Variants in ATP13A2 observed in about 807,000 individuals in gnomAD.
The protein encoded by ATP13A2 is ATPase cation transporting 13A2.
A neutral mutation model predicts 138.3 loss-of-function variants in ATP13A2; 83 were observed. The observed-to-expected ratio is 0.60, with a 90% CI of 0.50 to 0.72. The LOEUF (loss-of-function observed/expected upper bound fraction) is 0.72. Ranked by LOEUF, ATP13A2 falls within the 30% of genes least tolerant of loss-of-function variation. The pLI, the probability that ATP13A2 is intolerant of heterozygous loss-of-function variation, is 0.00. For missense variants in ATP13A2, 1,402 were observed against 1,606.4 expected (o/e 0.87, Z 2.17); for synonymous variants, 663 against 699.0 (o/e 0.95, Z 0.81).
In ATP13A2 at chr1:17,005,520, T is replaced by C. The variant is rs764367853; in HGVS notation, c.142A>G (p.Ile48Val). 6.2e-7 allele frequency: 1 copy of C among 1,614,252 alleles called. No homozygotes were observed. The highest frequency in any genetic ancestry group is 1.6e-4 in the Middle Eastern group (1 of 6,062). Residue 48 changes from isoleucine to valine, a missense_variant, in exon 3 of 29, where the codon ATC (isoleucine) becomes GTC (valine). Physicochemically the swap from Ile to Val is conservative, Grantham distance 29 (BLOSUM62 3). Transcript: ENST00000326735. The stretch of plus-strand genomic sequence containing the variant: ...ATCCAGACCACGACGTGATAGCCGA[T>C]GACCCTCCATGGACTGCCACAGTAG... Reference protein sequence around the residue: ...SGYCGSPWRVIGYHVVVWMMA... With the variant: ...SGYCGSPWRVVGYHVVVWMMA...
Position 17,011,845 on chromosome 1 carries a change from G to C in ATP13A2, c.-107C>G. 2.9e-6 allele frequency: 3 copies of C among 1,022,362 alleles called. No homozygotes were observed. Among genetic ancestry groups the C allele is most frequent in the Middle Eastern group, 4.4e-4 (1 of 2,278 alleles). 63.3% of individuals were successfully genotyped at this position (1,022,362 alleles called of 1,614,324 possible). A position where few individuals can be genotyped will look rare whatever the true frequency, so the allele number is the denominator to read the frequency against. On this transcript the variant is annotated 5_prime_UTR_variant, in exon 1 of 29. Transcript: ENST00000326735. The surrounding 1 kb of genome is among the most constrained non-coding windows in gnomAD (Gnocchi z 7.3). ...GCGCGGTCCGGACGGCCCGGGGCGA[G>C]GGGCGCTGGGCTAGCGCGGGGCTGG... is the stretch of plus-strand genomic sequence containing the variant.
At chr1:16,991,667 C>T in intron 20 of ATP13A2, 67 bp downstream of exon 20, 2 of 1,612,112 alleles carry the variant, frequency 1.2e-6, no homozygotes, top group Non-Finnish European at 1.7e-6. Context: ...ATCCCTGGTG[C>T]CCCTCTTCTC....
chr1:17,008,535 G>C (rs920621503), intron 1 of ATP13A2, among the ~76,000 whole-genome samples: 1 of 152,122 alleles, frequency 6.6e-6, no homozygotes, highest in Non-Finnish European at 1.5e-5. Flanking sequence ...CCCAGGTCAG[G>C]GGGGCGTGGC....
chr1:16,993,570 T>TG (rs1269017773), intron 16 of ATP13A2, 59 bp downstream of exon 16: 22 of 1,467,444 alleles, frequency 1.5e-5, no homozygotes, highest in Non-Finnish European at 4.6e-6. Flanking sequence ...GAAGACAGGG[T>TG]GGGATTCGTT....
Position 16,998,172 on chromosome 1 carries a change from G to A in ATP13A2, c.1040-997C>T, listed in dbSNP as rs184167174. 5.2e-3 allele frequency among the ~76,000 whole-genome samples: 797 copies of A among 152,288 alleles called. 9 individuals are homozygous for A. Among genetic ancestry groups the A allele is most frequent in the African/African-American group, 0.018 (747 of 41,554 alleles). ...GTTTGTGGAGGGCAGGGCTCAGGGCGTGTGCCCACAAATCATACTGATCAC... is the reference window on the plus strand; with the variant it reads ...GTTTGTGGAGGGCAGGGCTCAGGGCATGTGCCCACAAATCATACTGATCAC... On this transcript the variant is annotated intron_variant, in intron 11 of 28. Coordinates refer to ENST00000326735, the MANE Select transcript of ATP13A2 (RefSeq NM_022089.4).
rs1354089544 is a variant in ATP13A2, at chr1:16,995,807, G to A, written c.1542+169C>T. On this transcript the variant is annotated intron_variant, in intron 15 of 28. Coordinates refer to ENST00000326735, the MANE Select transcript of ATP13A2 (RefSeq NM_022089.4). The surrounding 1 kb of genome is among the most constrained non-coding windows in gnomAD (Gnocchi z 4.1). ...AGACATTTCATCTGCCAGACCGTGA[G>A]CCCAGTGAGGGCAGGAGTGGGATGG... is the stretch of plus-strand genomic sequence containing the variant. 1 of 824,942 alleles carries A rather than the reference G, an allele frequency of 1.2e-6. No individual in the cohort carries two copies. The allele number at this position is 824,942 out of a possible 1,614,324, so 51.1% of individuals were successfully genotyped here.
In ATP13A2 at chr1:17,000,237, GCTC is replaced by G. The variant is rs2077300067; in HGVS notation, c.907+6_907+8del. ...TCCTGCCCCCGCCCCCTGGGCCCTA[GCTC>G]CTCACCTCCCCCTGGCCGGCACACG... On this transcript the variant is annotated splice_donor_region_variant and intron_variant, in intron 10 of 28. Coordinates refer to ENST00000326735, the MANE Select transcript of ATP13A2 (RefSeq NM_022089.4). The G allele has an allele frequency of 1.5e-6, 2 of 1,337,120 alleles. No individual in the cohort carries two copies. The highest frequency in any genetic ancestry group is 3.6e-5 in the African/African-American group (2 of 54,886). The allele number at this position is 1,337,120 out of a possible 1,614,324, so 82.8% of individuals were successfully genotyped here.
At chr1:16,996,364 G>A (rs370945397) in intron 13 of ATP13A2, 22 bp downstream of exon 13, 10 of 1,613,278 alleles carry the variant, frequency 6.2e-6, no homozygotes, top group Middle Eastern at 1.6e-4. Context: ...ATGGGCAGAG[G>A]AGGGTGCAGG....
At position 16,988,211 on chromosome 1, in the gene ATP13A2, G is replaced by A. The variant is rs1245477265; in HGVS notation, c.2786C>T (p.Thr929Ile). ...VIREGRCSLD[T>I]SFSVFKYMAL... ...CATGTACTTGAAGACGCTGAACGAA[G>A]TGTCAAGGGAACAGCGCCCCTCCCT... The change falls in exon 25 of 29, where the codon ACT (threonine) becomes ATT (isoleucine). Residue 929 changes from threonine (T) to isoleucine (I), a missense_variant. Thr to Ile is a moderately conservative substitution (Grantham distance 89, BLOSUM62 -1). Transcript: ENST00000326735. 5 of 1,614,124 alleles carry A rather than the reference G, an allele frequency of 3.1e-6. No individual in the cohort carries two copies. The highest frequency in any genetic ancestry group is 3.4e-6 in the Non-Finnish European group (4 of 1,180,044).
At chr1:16,992,660 C>T in intron 16 of ATP13A2, 79 bp from the exon 17 acceptor site, 3 of 1,438,532 alleles carry the variant, frequency 2.1e-6, no homozygotes, top group Non-Finnish European at 2.9e-6. Context: ...GGGAAGACTT[C>T]CTTCATGGGA....
Position 17,011,650 on chromosome 1 carries a change from CT to C in ATP13A2, c.10+78del. The C allele has an allele frequency of 7.0e-7, 1 of 1,427,442 alleles. No homozygotes were observed. The highest frequency in any genetic ancestry group is 9.1e-7 in the Non-Finnish European group (1 of 1,096,364). The allele number at this position is 1,427,442 out of a possible 1,614,324, so 88.4% of individuals were successfully genotyped here. On this transcript the variant is annotated intron_variant, in intron 1 of 28. Transcript: ENST00000326735. The surrounding 1 kb of genome is among the most constrained non-coding windows in gnomAD (Gnocchi z 7.3). Reference sequence around the variant, plus strand: ...CCCGCGGTGGGGGGCGTCGCCTCCCCTCTCCCTCCAAGGGGTGACGACAACT... The same window carrying C: ...CCCGCGGTGGGGGGCGTCGCCTCCCCCTCCCTCCAAGGGGTGACGACAACT...
Position 16,988,165 on chromosome 1 carries a change from C to T in ATP13A2, c.2832G>A (p.Gln944=). 1 of 1,614,152 alleles carries T rather than the reference C, an allele frequency of 6.2e-7. No individual in the cohort carries two copies. The highest frequency in any genetic ancestry group is 1.1e-5 in the South Asian group (1 of 91,082). ...FKYMALYSLT[Q]FISVLILYTI... is the part of the protein sequence containing the mutation. ...TGTAGAGGATCAGGACGGAGATGAA[C>T]TGGGTCAGGCTGTACAGAGCCATGT... Residue 944 remains glutamine (Q), a synonymous_variant, in exon 25 of 29, where the codon CAG becomes CAA. Coordinates refer to ENST00000326735, the MANE Select transcript of ATP13A2 (RefSeq NM_022089.4).
chr1:16,990,042 A>G, intron 21 of ATP13A2, 39 bp from the exon 22 acceptor site: 1 of 1,613,254 alleles, frequency 6.2e-7, no homozygotes, highest in Non-Finnish European at 8.5e-7. Context: ...CCCCCTGCCC[A>G]CCCTGGAGAG....
intron 8 of ATP13A2, chr1:17,000,941 C>A: frequency 5.3e-6 from 1 of 189,560 alleles, no homozygotes; most frequent in Non-Finnish European, 1.1e-5. Flanking sequence ...GACCCTGTCT[C>A]AAAAAAAATA....
chr1:17,010,985 C>T (rs1238975057), intron 1 of ATP13A2, among the ~76,000 whole-genome samples: 1 of 152,122 alleles, frequency 6.6e-6, no homozygotes, highest in African/African-American at 2.4e-5. Flanking sequence ...GCTGTCTTTC[C>T]TCATTCCTTC....
Position 16,991,011 on chromosome 1 carries a change from G to A in ATP13A2, c.2251+723C>T, listed in dbSNP as rs182577306. 4.0e-4 allele frequency among the ~76,000 whole-genome samples: 60 copies of A among 150,428 alleles called. No homozygotes were observed. The East Asian group carries it at 5.2e-3, about 13-fold the overall frequency. ...GTTGCCCAGGCTGGAGTGAAATGGC[G>A]TGATCTCAGCTCACTGCAACCTCCA... On this transcript the variant is annotated intron_variant, in intron 20 of 28. Coordinates refer to ENST00000326735, the MANE Select transcript of ATP13A2 (RefSeq NM_022089.4).
At chr1:17,002,662 A>T (rs1373568006) in intron 6 of ATP13A2, among the ~76,000 whole-genome samples, 1 of 152,184 alleles carries the variant, frequency 6.6e-6, no homozygotes, top group Non-Finnish European at 1.5e-5. Flanking sequence ...CACTATTTAC[A>T]CTGATGATAC....
At chr1:17,010,888 CCGG>C (rs2077759723) in intron 1 of ATP13A2, among the ~76,000 whole-genome samples, 1 of 152,140 alleles carries the variant, frequency 6.6e-6, no homozygotes, top group Non-Finnish European at 1.5e-5. Context: ...GCTGTGGTTC[CCGG>C]CGGCGGGGAG....
chr1:16,987,395 G>C, intron 25 of ATP13A2, 126 bp from the exon 26 acceptor site: 1 of 915,368 alleles, frequency 1.1e-6, no homozygotes, highest in South Asian at 1.4e-5. Context: ...CAGTCTAATG[G>C]GGGCCGTACT....
Sources: gnomAD v4.1 joint callset for allele counts (sites outside exome capture counted in the v4.1 genomes callset) on GRCh38, gnomAD v4.1.1 for gene constraint, Gnocchi (gnomAD v3.1) non-coding constraint, MANE v1.5 for transcripts, NCBI Gene and HGNC (gene_info 2026-07-23, HGNC 2026-07-21) for gene names.